The following PDE4D variants were observed in gnomAD, a reference collection of about 807,000 sequenced individuals.
PDE4D encodes phosphodiesterase 4D.
PDE4D carries 24 observed loss-of-function variants against 87.4 expected under a neutral mutation model. The ratio of observed to expected loss-of-function variants is 0.27; its 90% CI spans 0.20 to 0.39. The LOEUF (loss-of-function observed/expected upper bound fraction) is 0.39, where lower values mean the gene tolerates loss of function less well. PDE4D is among the 10% of genes least tolerant of loss of function. The pLI, the probability that PDE4D is intolerant of heterozygous loss-of-function variation, is 1.00. For missense variants in PDE4D, 714 were observed against 1,041.0 expected (o/e 0.69, Z 4.32); for synonymous variants, 384 against 383.2 (o/e 1.00, Z -0.02).
intron 1 of PDE4D, among the ~76,000 whole-genome samples, chr5:59,232,860 T>A (rs75433418): frequency 0.046 from 7,068 of 152,000 alleles, 238 homozygotes; most frequent in African/African-American, 0.089. Context: ...TGGAATACTA[T>A]GCAGTCATAA....
Position 59,079,658 on chromosome 5 carries a change from C to T in PDE4D, c.809-40687G>A, listed in dbSNP as rs1766321932. On this transcript the variant is annotated intron_variant, in intron 5 of 14. Coordinates refer to ENST00000340635, the MANE Select transcript of PDE4D (RefSeq NM_001104631.2). ...CTGGGCAACATAGCAGGACCCATCT[C>T]TACAAAATTAATAATAATAATAATA... Among the ~76,000 whole-genome samples the T allele has an allele frequency of 2.8e-5, 3 of 107,930 alleles. No homozygotes were observed. The Admixed American group carries it at 2.9e-4, about 10-fold the overall frequency. 70.8% of individuals were successfully genotyped at this position (107,930 alleles called of 152,430 possible). A position where few individuals can be genotyped will look rare whatever the true frequency, so the allele number is the denominator to read the frequency against.
At chr5:58,983,323 G>A (rs1227086003) in intron 11 of PDE4D, among the ~76,000 whole-genome samples, 1 of 152,238 alleles carries the variant, frequency 6.6e-6, no homozygotes, top group African/African-American at 2.4e-5. Flanking sequence ...AATAGGAGTG[G>A]CATTAGGGCC....
intron 3 of PDE4D, among the ~76,000 whole-genome samples, chr5:59,954,130 G>T (rs1410173928): frequency 6.6e-6 from 1 of 152,124 alleles, no homozygotes; most frequent in Non-Finnish European, 1.5e-5. Context: ...CACCATGTTG[G>T]CCAGGCTGGT....
intron 2 of PDE4D, among the ~76,000 whole-genome samples, chr5:60,030,312 C>T (rs1010241462): frequency 1.1e-4 from 16 of 151,980 alleles, no homozygotes; most frequent in South Asian, 8.3e-4. Context: ...TAGCCGGGCG[C>T]GGTGGCGGGC....
At chr5:60,286,271 T>C (rs1226293045) in intron 1 of PDE4D, among the ~76,000 whole-genome samples, 1 of 152,176 alleles carries the variant, frequency 6.6e-6, no homozygotes. Context: ...AGTAATACCA[T>C]TCCCATGAAA....
At chr5:59,510,675 T>C (rs144358992) in intron 1 of PDE4D, among the ~76,000 whole-genome samples, 2 of 151,912 alleles carry the variant, frequency 1.3e-5, no homozygotes, top group Admixed American at 1.3e-4. Context: ...TGGAAAAATA[T>C]AGAGACAGAA....
intron 1 of PDE4D, among the ~76,000 whole-genome samples, chr5:60,366,739 G>A (rs1202433642): frequency 6.6e-6 from 1 of 152,210 alleles, no homozygotes; most frequent in Admixed American, 6.5e-5. Flanking sequence ...CAGCCAACTT[G>A]TGCAGTGAAG....
At chr5:59,863,152 C>T (rs1746523412) in intron 1 of PDE4D, among the ~76,000 whole-genome samples, 1 of 152,072 alleles carries the variant, frequency 6.6e-6, no homozygotes, top group South Asian at 2.1e-4. Context: ...AAATCTACTT[C>T]CTTAATTTTT....
chr5:59,264,580 G>T (rs1735922630), intron 1 of PDE4D, among the ~76,000 whole-genome samples: 1 of 151,900 alleles, frequency 6.6e-6, no homozygotes, highest in Non-Finnish European at 1.5e-5. Flanking sequence ...AAAGTAATTG[G>T]GCTATCTCTT....
At chr5:59,478,226 G>T (rs957138674) in intron 1 of PDE4D, among the ~76,000 whole-genome samples, 1 of 151,948 alleles carries the variant, frequency 6.6e-6, no homozygotes, top group African/African-American at 2.4e-5. Context: ...ACTATACTTA[G>T]TTGATAACAT....
intron 1 of PDE4D, among the ~76,000 whole-genome samples, chr5:59,715,187 C>T (rs1030458570): frequency 1.3e-5 from 2 of 152,242 alleles, no homozygotes; most frequent in African/African-American, 2.4e-5. Flanking sequence ...ACCCCCCGGA[C>T]TGGGACAGTG....
At chr5:59,532,966 C>A (rs751475123) in intron 1 of PDE4D, among the ~76,000 whole-genome samples, 2 of 152,144 alleles carry the variant, frequency 1.3e-5, no homozygotes, top group Non-Finnish European at 2.9e-5. Context: ...CACCCTGCTG[C>A]CTAGAGTTTA....
At chr5:59,998,549 T>C (rs571960351) in intron 2 of PDE4D, among the ~76,000 whole-genome samples, 17 of 152,298 alleles carry the variant, frequency 1.1e-4, no homozygotes, top group Admixed American at 2.6e-4. Context: ...AAGAAATCTA[T>C]ACAACTTTTC....
At chr5:59,503,514 G>A (rs570456127) in intron 1 of PDE4D, among the ~76,000 whole-genome samples, 1 of 152,158 alleles carries the variant, frequency 6.6e-6, no homozygotes, top group African/African-American at 2.4e-5. Context: ...TAGGTATTAT[G>A]ATCCACAGCT....
chr5:60,316,716 A>G (rs1438606806), intron 1 of PDE4D, among the ~76,000 whole-genome samples: 4 of 152,052 alleles, frequency 2.6e-5, no homozygotes, highest in Admixed American at 2.6e-4. Context: ...GAATTTTGTC[A>G]AAGGCCTTTT....
intron 1 of PDE4D, among the ~76,000 whole-genome samples, chr5:59,504,225 T>C (rs1338195734): frequency 6.6e-6 from 1 of 152,186 alleles, no homozygotes; most frequent in Non-Finnish European, 1.5e-5. Flanking sequence ...TGTCATCCTG[T>C]TTATTTAAGA....
At chr5:59,445,094 T>C (rs972595999) in intron 1 of PDE4D, among the ~76,000 whole-genome samples, 1 of 152,222 alleles carries the variant, frequency 6.6e-6, no homozygotes, top group East Asian at 1.9e-4. Context: ...CCACCACAAT[T>C]TACTTACCTA....
At chr5:59,687,799 C>T (rs991586131) in intron 1 of PDE4D, among the ~76,000 whole-genome samples, 6 of 152,126 alleles carry the variant, frequency 3.9e-5, no homozygotes, top group South Asian at 4.1e-4. Context: ...TCAAGACCCA[C>T]CACTGTGCTG....
chr5:60,253,451 C>A (rs1400005580), intron 1 of PDE4D, among the ~76,000 whole-genome samples: 1 of 151,730 alleles, frequency 6.6e-6, no homozygotes, highest in Non-Finnish European at 1.5e-5. Context: ...CTTGACTGGC[C>A]CTAAAATGTA....
Sources: allele counts gnomAD v4.1 joint callset (sites outside exome capture counted in the v4.1 genomes callset), GRCh38; gene constraint gnomAD v4.1.1; transcripts MANE v1.5; gene names NCBI Gene and HGNC (gene_info 2026-07-23, HGNC 2026-07-21).